Variants in FER observed in about 807,000 individuals in gnomAD.
FER encodes the protein tyrosine-protein kinase Fer.
In FER, 63 loss-of-function variants were observed where a neutral mutation model predicts 111.0. That is an observed-to-expected ratio of 0.57 (90% confidence interval 0.46 to 0.70). The LOEUF is 0.70. Among genes scored for constraint, FER ranks in the 30% least tolerant of loss-of-function variants. The pLI, the probability that FER is intolerant of heterozygous loss-of-function variation, is 0.00. For synonymous variants in FER, 327 were observed against 313.9 expected (o/e 1.04, Z -0.44); for missense variants, 914 against 954.0 (o/e 0.96, Z 0.55).
rs1392965502 is a variant in FER, at chr5:108,936,098, C to T, written c.1237-10032C>T. Reference sequence around the variant, plus strand: ...AAATTTCGGCTGCTTGACCACATGACGTTCAGCAAATCACTTAGTATTTCT... The same window carrying T: ...AAATTTCGGCTGCTTGACCACATGATGTTCAGCAAATCACTTAGTATTTCT... On this transcript the variant is annotated intron_variant, in intron 10 of 19. Transcript: ENST00000281092. Among the ~76,000 whole-genome samples the T allele has an allele frequency of 3.3e-5, 5 of 151,926 alleles. No homozygotes were observed. In the East Asian group the frequency reaches 7.7e-4, roughly 23 times the overall value.
At chr5:108,976,603 C>G (rs982102951) in intron 13 of FER, among the ~76,000 whole-genome samples, 3 of 152,092 alleles carry the variant, frequency 2.0e-5, no homozygotes, top group Non-Finnish European at 4.4e-5. Context: ...CTACTAATAG[C>G]CTACTGTTGA....
intron 3 of FER, among the ~76,000 whole-genome samples, chr5:108,821,171 A>ACTTTC (rs1758803659): frequency 6.6e-6 from 1 of 152,212 alleles, no homozygotes; most frequent in African/African-American, 2.4e-5. Flanking sequence ...GGCTTTAACC[A>ACTTTC]AGAGAAAGTG....
chr5:108,926,479 C>T (rs1581230306), intron 10 of FER, among the ~76,000 whole-genome samples: 4 of 152,162 alleles, frequency 2.6e-5, no homozygotes, highest in South Asian at 4.2e-4. Flanking sequence ...CACCCACCAT[C>T]CTTAGGAAGG....
intron 17 of FER, among the ~76,000 whole-genome samples, chr5:109,162,780 A>C (rs992058426): frequency 2.0e-5 from 3 of 152,154 alleles, no homozygotes; most frequent in African/African-American, 7.2e-5. Flanking sequence ...ATATTTACTC[A>C]GGAAAAATAA....
chr5:109,078,140 C>T (rs2150012269), intron 16 of FER, among the ~76,000 whole-genome samples: 1 of 152,146 alleles, frequency 6.6e-6, no homozygotes, highest in South Asian at 2.1e-4. Context: ...GTGAAGAACA[C>T]CTATAGTGTA....
At position 108,764,316 on chromosome 5, in the gene FER, T is replaced by A. The variant is rs186145888; in HGVS notation, c.-205-3777T>A. Reference sequence around the variant, plus strand: ...TGTATATAGATATAACTACTTCATTTATTTTTTACCTACCACATATCATGA... The same window carrying A: ...TGTATATAGATATAACTACTTCATTAATTTTTTACCTACCACATATCATGA... On this transcript the variant is annotated intron_variant, in intron 1 of 19. Transcript: ENST00000281092. Among the ~76,000 whole-genome samples, 5 of 152,340 alleles carry A rather than the reference T, an allele frequency of 3.3e-5. No homozygotes were observed. The East Asian group carries it at 9.6e-4, about 29-fold the overall frequency.
intron 13 of FER, among the ~76,000 whole-genome samples, chr5:108,967,828 G>A (rs995820344): frequency 6.6e-6 from 1 of 151,538 alleles, no homozygotes; most frequent in African/African-American, 2.4e-5. Context: ...GAAAGGTGGG[G>A]AAAGTGTGCC....
intron 13 of FER, among the ~76,000 whole-genome samples, chr5:108,968,395 A>G (rs1760183525): frequency 1.3e-5 from 2 of 152,156 alleles, no homozygotes; most frequent in African/African-American, 2.4e-5. Flanking sequence ...ATCTCAAAAA[A>G]AGAAAAAAAA....
chr5:108,858,684 A>G (rs939029375), intron 5 of FER, among the ~76,000 whole-genome samples: 1 of 151,706 alleles, frequency 6.6e-6, no homozygotes, highest in South Asian at 2.1e-4. Context: ...AACTACGATT[A>G]TATAATATTC....
chr5:109,007,813 T>G (rs1424158794), intron 13 of FER, among the ~76,000 whole-genome samples: 1 of 152,216 alleles, frequency 6.6e-6, no homozygotes. Flanking sequence ...AGTGTTCCTT[T>G]AAGTTTATAA....
intron 13 of FER, among the ~76,000 whole-genome samples, chr5:109,013,842 G>C (rs2149810257): frequency 6.6e-6 from 1 of 150,650 alleles, no homozygotes; most frequent in South Asian, 2.1e-4. Context: ...GTGATGGTGA[G>C]CATTTTTTCA....
In FER at chr5:109,148,768, TGGGTATG is replaced by T. The variant is rs527869090; in HGVS notation, c.2049-31978_2049-31972del. ...AGACAGTCAAAATGGGGCTTTGGTA[TGGGTATG>T]TGTGTATGTATTCTCACCCAGCAAG... On this transcript the variant is annotated intron_variant, in intron 17 of 19. Coordinates refer to ENST00000281092, the MANE Select transcript of FER (RefSeq NM_005246.4). 3.3e-3 allele frequency among the ~76,000 whole-genome samples: 497 copies of T among 152,246 alleles called. 3 individuals carry two copies. Among genetic ancestry groups the T allele is most frequent in the Non-Finnish European group, 5.5e-3 (375 of 67,988 alleles).
intron 13 of FER, among the ~76,000 whole-genome samples, chr5:108,977,655 T>C (rs1056593542): frequency 1.3e-5 from 2 of 152,208 alleles, no homozygotes; most frequent in Non-Finnish European, 1.5e-5. Flanking sequence ...CATTCTATTA[T>C]AAAAACATAT....
intron 10 of FER, among the ~76,000 whole-genome samples, chr5:108,917,823 G>A (rs1382183822): frequency 6.6e-6 from 1 of 152,144 alleles, no homozygotes; most frequent in African/African-American, 2.4e-5. Flanking sequence ...ACCAACTCTT[G>A]GTAATCAGGC....
At chr5:109,112,299 T>C (rs1749725179) in intron 17 of FER, among the ~76,000 whole-genome samples, 1 of 152,090 alleles carries the variant, frequency 6.6e-6, no homozygotes, top group South Asian at 2.1e-4. Context: ...AAAACAAAGA[T>C]AGCTGAAGGA....
At chr5:108,756,114 A>G (rs1016282346) in intron 1 of FER, among the ~76,000 whole-genome samples, 1 of 149,838 alleles carries the variant, frequency 6.7e-6, no homozygotes, top group African/African-American at 2.5e-5. Context: ...AGACCATGCC[A>G]TTGCACTCCA....
intron 1 of FER, among the ~76,000 whole-genome samples, chr5:108,765,361 A>T (rs1056773594): frequency 6.6e-6 from 1 of 152,210 alleles, no homozygotes; most frequent in Non-Finnish European, 1.5e-5. Context: ...AAAATTATAG[A>T]AAAGACTGAG....
intron 19 of FER, among the ~76,000 whole-genome samples, chr5:109,186,798 T>C (rs1308705338): frequency 6.6e-6 from 1 of 152,236 alleles, no homozygotes; most frequent in Non-Finnish European, 1.5e-5. Flanking sequence ...TTGCATGCAC[T>C]TGTGTAGCAT....
At chr5:109,046,384 A>G (rs1369447945) in intron 15 of FER, among the ~76,000 whole-genome samples, 1 of 152,074 alleles carries the variant, frequency 6.6e-6, no homozygotes, top group Non-Finnish European at 1.5e-5. Context: ...GCAGCTTACA[A>G]TTTTTGGCCC....
Sources: gnomAD v4.1 joint callset for allele counts (sites outside exome capture counted in the v4.1 genomes callset) on GRCh38, gnomAD v4.1.1 for gene constraint, MANE v1.5 for transcripts, NCBI Gene and HGNC (gene_info 2026-07-23, HGNC 2026-07-21) for gene names.